The following KCNIP4 variants were observed in gnomAD, a reference collection of about 807,000 sequenced individuals.
The protein encoded by KCNIP4 is Kv channel-interacting protein 4.
In KCNIP4, 12 loss-of-function variants were observed where a neutral mutation model predicts 34.0. The ratio of observed to expected loss-of-function variants is 0.35; its 90% CI spans 0.23 to 0.57. The LOEUF (loss-of-function observed/expected upper bound fraction) is 0.57. Among genes scored for constraint, KCNIP4 ranks in the 20% least tolerant of loss-of-function variants. KCNIP4 has a pLI of 0.83. For missense variants in KCNIP4, 238 were observed against 311.7 expected (o/e 0.76, Z 1.78); for synonymous variants, 124 against 102.2 (o/e 1.21, Z -1.29).
intron 1 of KCNIP4, among the ~76,000 whole-genome samples, chr4:21,903,478 A>T (rs1156429484): frequency 6.6e-6 from 1 of 152,196 alleles, no homozygotes; most frequent in Admixed American, 6.6e-5. Context: ...AAGTCACTTC[A>T]ATATTAATTG....
At chr4:21,056,269 CA>C (rs922708699) in intron 1 of KCNIP4, among the ~76,000 whole-genome samples, 5 of 151,726 alleles carry the variant, frequency 3.3e-5, no homozygotes, top group African/African-American at 7.2e-5. Context: ...TCTGTATCTA[CA>C]AAAAAAAGCC....
chr4:21,588,971 C>T (rs554779584), intron 1 of KCNIP4, among the ~76,000 whole-genome samples: 1 of 151,116 alleles, frequency 6.6e-6, no homozygotes, highest in South Asian at 2.1e-4. Flanking sequence ...TGAGTATCTC[C>T]TACTCTGAGC....
chr4:21,136,785 T>A (rs1427349138), intron 1 of KCNIP4, among the ~76,000 whole-genome samples: 1 of 152,220 alleles, frequency 6.6e-6, no homozygotes, highest in African/African-American at 2.4e-5. Context: ...AGAGTTTTGA[T>A]ACGACTTAGA....
chr4:21,766,168 A>T (rs553389979), intron 1 of KCNIP4, among the ~76,000 whole-genome samples: 36 of 152,304 alleles, frequency 2.4e-4, no homozygotes, highest in African/African-American at 8.4e-4. Context: ...TGGTGGCCTG[A>T]ACAATACATT....
intron 1 of KCNIP4, among the ~76,000 whole-genome samples, chr4:21,824,560 A>G (rs371023900): frequency 2.0e-4 from 31 of 152,214 alleles, no homozygotes; most frequent in Admixed American, 3.9e-4. Flanking sequence ...TGGACCCCCT[A>G]TGATTTCATT....
intron 3 of KCNIP4, among the ~76,000 whole-genome samples, chr4:20,810,277 C>T (rs1220869628): frequency 2.0e-5 from 3 of 152,108 alleles, no homozygotes; most frequent in South Asian, 2.1e-4. Flanking sequence ...TTTATTGTAT[C>T]GTCCCCTCTG....
chr4:20,847,354 A>C (rs1206338795), intron 3 of KCNIP4, among the ~76,000 whole-genome samples: 1 of 152,188 alleles, frequency 6.6e-6, no homozygotes, highest in Non-Finnish European at 1.5e-5. Flanking sequence ...TGGGCTCCAG[A>C]CCAGCAGCAT....
intron 1 of KCNIP4, among the ~76,000 whole-genome samples, chr4:21,185,158 T>A (rs751695548): frequency 2.0e-5 from 3 of 152,180 alleles, no homozygotes; most frequent in Non-Finnish European, 2.9e-5. Flanking sequence ...CTATCTAATA[T>A]TCAAATTGTG....
intron 2 of KCNIP4, among the ~76,000 whole-genome samples, chr4:20,853,311 GA>G (rs1721231544): frequency 3.7e-5 from 5 of 136,566 alleles, no homozygotes; most frequent in African/African-American, 1.2e-4. Flanking sequence ...CAGTGGAACA[GA>G]ATAGATAATT....
chr4:21,369,302 T>G (rs1368286421), intron 1 of KCNIP4, among the ~76,000 whole-genome samples: 1 of 147,482 alleles, frequency 6.8e-6, no homozygotes, highest in Non-Finnish European at 1.5e-5. Flanking sequence ...AGTTATGTTC[T>G]GAAGATATAA....
chr4:21,545,106 G>A (rs538303326), intron 1 of KCNIP4, among the ~76,000 whole-genome samples: 6 of 152,090 alleles, frequency 3.9e-5, no homozygotes, highest in Non-Finnish European at 5.9e-5. Flanking sequence ...ACCTCTGGTC[G>A]TCCTCACTGC....
At chr4:20,922,547 G>GTCTGTCTGTCTA (rs373186954) in intron 1 of KCNIP4, among the ~76,000 whole-genome samples, 6,913 of 129,304 alleles carry the variant, frequency 0.053, 233 homozygotes, top group East Asian at 0.065. Flanking sequence ...CTGTCTGTCT[G>GTCTGTCTGTCTA]TCTATCTATC....
At chr4:21,205,071 G>T in intron 1 of KCNIP4, among the ~76,000 whole-genome samples, 1 of 152,310 alleles carries the variant, frequency 6.6e-6, no homozygotes, top group Non-Finnish European at 1.5e-5. Context: ...AAGTTTCAAC[G>T]AAAAGCTGGT....
At chr4:21,310,231 C>A (rs781468289) in intron 1 of KCNIP4, among the ~76,000 whole-genome samples, 29 of 152,038 alleles carry the variant, frequency 1.9e-4, no homozygotes, top group Non-Finnish European at 3.7e-4. Flanking sequence ...TGGAGTTTCA[C>A]CATTTCTAGG....
intron 1 of KCNIP4, among the ~76,000 whole-genome samples, chr4:21,434,906 T>C (rs1313272107): frequency 6.6e-6 from 1 of 152,192 alleles, no homozygotes; most frequent in African/African-American, 2.4e-5. Flanking sequence ...TACTGCTTTC[T>C]TGACACCTTA....
chr4:21,257,418 C>A (rs1040331283), intron 1 of KCNIP4, among the ~76,000 whole-genome samples: 1 of 152,036 alleles, frequency 6.6e-6, no homozygotes, highest in East Asian at 1.9e-4. Flanking sequence ...GTTAGAGATG[C>A]AATGTTTTGG....
intron 1 of KCNIP4, among the ~76,000 whole-genome samples, chr4:21,820,688 C>T (rs1722306090): frequency 6.6e-6 from 1 of 152,088 alleles, no homozygotes; most frequent in Non-Finnish European, 1.5e-5. Flanking sequence ...TTATTTTGCT[C>T]TGCTGATAAT....
At chr4:21,170,082 A>G (rs1279902027) in intron 1 of KCNIP4, among the ~76,000 whole-genome samples, 1 of 152,170 alleles carries the variant, frequency 6.6e-6, no homozygotes, top group Non-Finnish European at 1.5e-5. Context: ...ATTAAAGTGC[A>G]TTCAAGGAAA....
rs115663752 is a variant in KCNIP4 at position 20,763,313 on chromosome 4, C to T, written c.289-4423G>A. ...ACCTGTATAACACAGTTAAAAACCA[C>T]GTAGTATATTTCTTATTCACATAAC... On this transcript the variant is annotated intron_variant, in intron 3 of 8. Coordinates refer to ENST00000382152, the MANE Select transcript of KCNIP4 (RefSeq NM_025221.6). Among the ~76,000 whole-genome samples, 785 of 152,238 alleles carry T rather than the reference C, an allele frequency of 5.2e-3. 6 individuals carry two copies. The highest frequency in any genetic ancestry group is 0.018 in the African/African-American group (735 of 41,546).
Sources: gnomAD v4.1 joint callset for allele counts (sites outside exome capture counted in the v4.1 genomes callset) on GRCh38, gnomAD v4.1.1 for gene constraint, MANE v1.5 for transcripts, NCBI Gene and HGNC (gene_info 2026-07-23, HGNC 2026-07-21) for gene names.